NPY4R: variants seen among roughly 807,000 people sequenced by gnomAD.
NPY4R encodes neuropeptide Y receptor type 4.
A neutral mutation model predicts 11.9 loss-of-function variants in NPY4R; 2 were observed. That is an observed-to-expected ratio of 0.17 (90% CI 0.07 to 0.53). The LOEUF (loss-of-function observed/expected upper bound fraction) is 0.53, where lower values mean the gene tolerates loss of function less well. NPY4R is among the 20% of genes least tolerant of loss of function. NPY4R has a pLI of 0.94. For missense variants in NPY4R, 26 were observed against 280.2 expected (o/e 0.09, Z 6.48); for synonymous variants, 8 against 121.7 (o/e 0.07, Z 6.15).
In NPY4R at chr10:46,461,797, G is replaced by C. The variant is rs782631014; in HGVS notation, c.839C>G (p.Pro280Arg). 2.4e-6 allele frequency: 1 copy of C among 416,610 alleles called. No individual in the cohort carries two copies. The highest frequency in any genetic ancestry group is 5.2e-4 in the Middle Eastern group (1 of 1,906). 25.8% of individuals were successfully genotyped at this position (416,610 alleles called of 1,614,324 possible). ...TTCCAGGCTGTTGAACACATGCAGA[G>C]GCAGCCAGAGCACGGCAAAGGCCAC... is the stretch of plus-strand genomic sequence containing the variant. ...MVVAFAVLWL[P>R]LHVFNSLEDW... Residue 280 changes from proline (P) to arginine (R), a missense_variant, in exon 3 of 3, where the codon CCT becomes CGT. Transcript: ENST00000374312.
chr10:46,466,268 CTT>C (rs1841044494), upstream of NPY4R, among the ~76,000 whole-genome samples: 1 of 65,510 alleles, frequency 1.5e-5, no homozygotes, highest in African/African-American at 8.6e-5. Flanking sequence ...TCTTTCCTTT[CTT>C]TCTTTCTTTC....
chr10:46,462,739 G>A, intron 2 of NPY4R, 45 bp from the exon 3 acceptor site: 1 of 782,368 alleles, frequency 1.3e-6, no homozygotes, highest in South Asian at 1.8e-5. Flanking sequence ...CATGCCCAGG[G>A]TAGAATCCAG....
At chr10:46,466,268 C>A (rs879973369), upstream of NPY4R, among the ~76,000 whole-genome samples, 1 of 65,514 alleles carries the variant, frequency 1.5e-5, no homozygotes, top group Non-Finnish European at 2.8e-5. Flanking sequence ...TCTTTCCTTT[C>A]TTTCTTTCTT....
chr10:46,466,282 TTCTCTC>T (rs1160755760), upstream of NPY4R, among the ~76,000 whole-genome samples: 3 of 63,748 alleles, frequency 4.7e-5, no homozygotes, highest in African/African-American at 2.6e-4. Flanking sequence ...CTTTCTTTCT[TTCTCTC>T]TCTCTCTCTC....
chr10:46,466,184 T>TC (rs1491381958), upstream of NPY4R, among the ~76,000 whole-genome samples: 46 of 1,470 alleles, frequency 0.031, 2 homozygotes, highest in South Asian at 0.06. Context: ...TCTTTCTCTC[T>TC]TTCTTTCTTT....
rs1182997098 is a variant in NPY4R at position 46,465,860 on chromosome 10, C to T, written c.-398G>A. The T allele has an allele frequency of 6.6e-6, 1 of 150,428 alleles. No individual in the cohort carries two copies. Among genetic ancestry groups the T allele is most frequent in the Middle Eastern group, 3.4e-3 (1 of 298 alleles). 9.3% of individuals were successfully genotyped at this position (150,428 alleles called of 1,614,324 possible). On this transcript the variant is annotated 5_prime_UTR_variant, in exon 1 of 3. Coordinates refer to ENST00000374312, the MANE Select transcript of NPY4R (RefSeq NM_005972.6). ...CGTACCGGGGCCCACTCGGCCCCGC[C>T]CCCGGCCGCACTCCTGTGCCCAGGG...
upstream of NPY4R, among the ~76,000 whole-genome samples, chr10:46,467,556 TC>T (rs1194851480): frequency 0.014 from 2,128 of 148,536 alleles, 49 homozygotes; most frequent in South Asian, 0.026. Context: ...AGCAGCTTTG[TC>T]TCCCCACTCC....
At chr10:46,466,255 CTTTCTTTCCTTT>C (rs1841039115), upstream of NPY4R, among the ~76,000 whole-genome samples, 94 of 64,714 alleles carry the variant, frequency 1.5e-3, 2 homozygotes, top group Middle Eastern at 7.8e-3. Flanking sequence ...TTCTTTCTTT[CTTTCTTTCCTTT>C]CTTTCTTTCT....
Position 46,462,414 on chromosome 10 carries a change from G to A in NPY4R, c.222C>T (p.Asn74=), listed in dbSNP as rs28623362. The stretch of plus-strand genomic sequence containing the variant: ...GGTTGGCGATAAGCAGGTTGGTCAC[G>A]TTGGCTTTCTCCTTCTGCCTCACAG... ...CVTVRQKEKA[N]VTNLLIANLA... Residue 74 remains asparagine, a synonymous_variant, in exon 3 of 3, where the codon AAC becomes AAT. Coordinates refer to ENST00000374312, the MANE Select transcript of NPY4R (RefSeq NM_005972.6). The A allele has an allele frequency of 6.4e-4, 1,040 of 1,613,662 alleles. 1 individual carries two copies. The African/African-American group carries it at 0.011, about 17-fold the overall frequency.
At chr10:46,466,187 CTTTCTTTCTTT>C, upstream of NPY4R, among the ~76,000 whole-genome samples, 1 of 10,014 alleles carries the variant, frequency 1.0e-4, no homozygotes, top group Non-Finnish European at 2.2e-4. Context: ...TTCTCTCTTT[CTTTCTTTCTTT>C]CTTTCTTTCT....
chr10:46,466,254 T>TCTCC (rs1841038759), upstream of NPY4R, among the ~76,000 whole-genome samples: 2 of 66,298 alleles, frequency 3.0e-5, no homozygotes, highest in African/African-American at 1.9e-4. Flanking sequence ...TTTCTTTCTT[T>TCTCC]CTTTCTTTCC....
upstream of NPY4R, among the ~76,000 whole-genome samples, chr10:46,466,256 TTTCTTTCC>T (rs1841039453): frequency 0.039 from 2,746 of 69,788 alleles, 308 homozygotes; most frequent in African/African-American, 0.12. Flanking sequence ...TCTTTCTTTC[TTTCTTTCC>T]TTTCTTTCTT....
upstream of NPY4R, among the ~76,000 whole-genome samples, chr10:46,466,263 C>CCTTT (rs1183828775): frequency 0.015 from 189 of 12,444 alleles, 22 homozygotes; most frequent in Admixed American, 0.032. Flanking sequence ...TTCTTTCTTT[C>CCTTT]CTTTCTTTCT....
At chr10:46,468,135 T>C (rs533314666), upstream of NPY4R, among the ~76,000 whole-genome samples, 1 of 125,646 alleles carries the variant, frequency 8.0e-6, no homozygotes, top group African/African-American at 3.2e-5. Flanking sequence ...AACTTGTAGA[T>C]GGTAGGGCTG....
upstream of NPY4R, among the ~76,000 whole-genome samples, chr10:46,466,223 C>CTTTCTTTCTTTCTT (rs1841026244): frequency 1.5e-5 from 1 of 65,554 alleles, no homozygotes; most frequent in African/African-American, 9.5e-5. Context: ...TTCTTTCTTT[C>CTTTCTTTCTTTCTT]TTTCTTTCTT....
upstream of NPY4R, among the ~76,000 whole-genome samples, chr10:46,466,375 C>CGTCT (rs1841054224): frequency 9.0e-6 from 1 of 110,574 alleles, no homozygotes; most frequent in Non-Finnish European, 1.8e-5. Flanking sequence ...GGGGTGTGTG[C>CGTCT]GTCTGCCTGT....
At chr10:46,466,235 CTTTCTTTCT>C (rs1841031022), upstream of NPY4R, among the ~76,000 whole-genome samples, 2 of 69,232 alleles carry the variant, frequency 2.9e-5, no homozygotes, top group South Asian at 3.9e-4. Context: ...TTCTTTCTTT[CTTTCTTTCT>C]TTCTTTCTTT....
chr10:46,466,199 CTTTCTTTCTTTCTTTCTTTCTTTCT>C (rs1841022150), upstream of NPY4R, among the ~76,000 whole-genome samples: 5 of 59,060 alleles, frequency 8.5e-5, no homozygotes, highest in Non-Finnish European at 1.5e-4. Flanking sequence ...TTCTTTCTTT[CTTTCTTTCTTTCTTTCTTTCTTTCT>C]TTCTTTCTTT....
At chr10:46,466,125 C>T (rs1468370411), upstream of NPY4R, among the ~76,000 whole-genome samples, 1 of 147,790 alleles carries the variant, frequency 6.8e-6, no homozygotes, top group Non-Finnish European at 1.5e-5. Flanking sequence ...CTGCGTGTGT[C>T]TCTCACGCCC....
Sources: allele counts gnomAD v4.1 joint callset (sites outside exome capture counted in the v4.1 genomes callset), GRCh38; gene constraint gnomAD v4.1.1; transcripts MANE v1.5; gene names NCBI Gene and HGNC (gene_info 2026-07-23, HGNC 2026-07-21).